The following KATNIP variants were observed in gnomAD, a reference collection of about 807,000 sequenced individuals.
The protein encoded by KATNIP is katanin-interacting protein.
KATNIP carries 126 observed loss-of-function variants against 174.0 expected under a neutral mutation model. That is an observed-to-expected ratio of 0.72 (90% CI 0.63 to 0.84). The LOEUF is 0.84. Among genes scored for constraint, KATNIP ranks in the 40% least tolerant of loss-of-function variants. KATNIP has a pLI of 0.00. For synonymous variants in KATNIP, 810 were observed against 835.7 expected, an observed-to-expected ratio of 0.97 and a Z score of 0.53; for missense variants, 1,958 against 2,109.7, an observed-to-expected ratio of 0.93 and a Z score of 1.41.
chr16:27,763,949 GGCCT>G (rs2082041933), intron 19 of KATNIP, among the ~76,000 whole-genome samples: 1 of 152,152 alleles, frequency 6.6e-6, no homozygotes, highest in Admixed American at 6.5e-5. Context: ...TAGATCTAGA[GGCCT>G]GATCAGATTG....
At chr16:27,596,418 A>G (rs569989955) in intron 2 of KATNIP, among the ~76,000 whole-genome samples, 1 of 152,158 alleles carries the variant, frequency 6.6e-6, no homozygotes, top group African/African-American at 2.4e-5. Flanking sequence ...TTTAGGGGGA[A>G]CATCAGGAAT....
chr16:27,768,532 T>C (rs1382069678), intron 20 of KATNIP, among the ~76,000 whole-genome samples: 1 of 151,984 alleles, frequency 6.6e-6, no homozygotes, highest in African/African-American at 2.4e-5. Context: ...TCCTGCTAGC[T>C]CCAAGCCCAG....
At chr16:27,568,463 A>C (rs1401122557) in intron 1 of KATNIP, among the ~76,000 whole-genome samples, 1 of 151,986 alleles carries the variant, frequency 6.6e-6, no homozygotes, top group Non-Finnish European at 1.5e-5. Context: ...TGCCCCGGGA[A>C]TAAGAAATAA....
chr16:27,641,948 G>A (rs763237985), intron 5 of KATNIP, among the ~76,000 whole-genome samples: 8 of 152,244 alleles, frequency 5.3e-5, no homozygotes, highest in Non-Finnish European at 1.0e-4. Context: ...CCTGGGCCCC[G>A]TGCCCCGTGG....
chr16:27,761,657 G>T, intron 19 of KATNIP, 67 bp downstream of exon 19: 13 of 1,368,800 alleles, frequency 9.5e-6, no homozygotes, highest in Non-Finnish European at 1.0e-5. Flanking sequence ...CTGCCTCTGA[G>T]ACTTCAGATT....
chr16:27,641,326 C>G (rs1055888851), intron 5 of KATNIP, among the ~76,000 whole-genome samples: 6 of 152,044 alleles, frequency 3.9e-5, no homozygotes, highest in Admixed American at 3.3e-4. Context: ...CTCAACCCCC[C>G]CTGTGCCCCA....
intron 2 of KATNIP, among the ~76,000 whole-genome samples, chr16:27,591,612 T>C (rs1007693752): frequency 2.6e-5 from 4 of 152,112 alleles, no homozygotes; most frequent in Non-Finnish European, 4.4e-5. Context: ...ATAATACTTA[T>C]CTCCTAGGGT....
chr16:27,648,809 G>A, intron 6 of KATNIP, 74 bp downstream of exon 6: 2 of 1,511,112 alleles, frequency 1.3e-6, no homozygotes, highest in Non-Finnish European at 1.8e-6. Context: ...GGCCCCTCGG[G>A]GCACTTTCTG....
In KATNIP at chr16:27,677,885, T is replaced by C; in HGVS notation, c.697T>C (p.Ser233Pro). The C allele has an allele frequency of 1.2e-6, 2 of 1,614,216 alleles. No homozygotes were observed. The highest frequency in any genetic ancestry group is 2.2e-5 in the South Asian group (2 of 91,086). ...VGHPRHDRPP[S>P]SGDWTQKDVH... is the part of the protein sequence containing the mutation. ...CCATCCCAGACATGACCGCCCTCCT[T>C]CCAGTGGCGACTGGACTCAGAAAGA... Residue 233 changes from serine to proline, a missense_variant, in exon 7 of 28, where the codon TCC (serine) becomes CCC (proline). Coordinates refer to ENST00000261588, the MANE Select transcript of KATNIP (RefSeq NM_015202.5).
intron 5 of KATNIP, among the ~76,000 whole-genome samples, chr16:27,640,999 A>T (rs1024504670): frequency 6.6e-6 from 1 of 152,088 alleles, no homozygotes; most frequent in Non-Finnish European, 1.5e-5. Context: ...TTAGCCGGAC[A>T]TGGTGGTGAA....
chr16:27,766,723 C>T (rs1443882944), intron 20 of KATNIP, among the ~76,000 whole-genome samples: 2 of 152,206 alleles, frequency 1.3e-5, no homozygotes, highest in Admixed American at 6.5e-5. Context: ...GGGTCCTAGG[C>T]AGGTCCAGGC....
chr16:27,771,868 G>A (rs953466509), intron 22 of KATNIP, among the ~76,000 whole-genome samples: 1 of 152,186 alleles, frequency 6.6e-6, no homozygotes, highest in African/African-American at 2.4e-5. Flanking sequence ...GAGGCTGGAG[G>A]GGGCAGCACC....
rs1188070579 is a variant in KATNIP, at chr16:27,776,507, T to G, written c.4450-421T>G. Among the ~76,000 whole-genome samples the G allele has an allele frequency of 6.6e-6, 1 of 152,032 alleles. No homozygotes were observed. Among genetic ancestry groups the G allele is most frequent in the East Asian group, 1.9e-4 (1 of 5,170 alleles). On this transcript the variant is annotated intron_variant, in intron 24 of 27. Coordinates refer to ENST00000261588, the MANE Select transcript of KATNIP (RefSeq NM_015202.5). The surrounding 1 kb of genome is among the most constrained non-coding windows in gnomAD (Gnocchi z 4.7). Reference sequence around the variant, plus strand: ...CTTGGCGTTGCTTCTCAGTGATGGTTTGGGGAAAGGACAGACAGGGTCAGA... The same window carrying G: ...CTTGGCGTTGCTTCTCAGTGATGGTGTGGGGAAAGGACAGACAGGGTCAGA...
intron 5 of KATNIP, among the ~76,000 whole-genome samples, chr16:27,648,062 A>G (rs2077009867): frequency 6.6e-6 from 1 of 152,090 alleles, no homozygotes; most frequent in African/African-American, 2.4e-5. Context: ...GGGGAGGACG[A>G]GGTGGGTGAA....
chr16:27,684,271 A>G (rs1014446415), intron 8 of KATNIP, among the ~76,000 whole-genome samples: 7 of 152,164 alleles, frequency 4.6e-5, no homozygotes, highest in Admixed American at 2.0e-4. Context: ...AAGATCACAC[A>G]GCCTGTAAGT....
chr16:27,648,248 G>A (rs189264051), intron 5 of KATNIP, among the ~76,000 whole-genome samples: 197 of 150,702 alleles, frequency 1.3e-3, no homozygotes, highest in African/African-American at 4.3e-3. Context: ...ATCCAAGATC[G>A]CACCATTGCA....
Position 27,648,634 on chromosome 16 carries a change from C to T in KATNIP, c.439C>T (p.Pro147Ser). Residue 147 changes from proline to serine, a missense_variant, in exon 6 of 28, where the codon CCA becomes TCA. Physicochemically the swap from Pro to Ser is moderately conservative, Grantham distance 74. Coordinates refer to ENST00000261588, the MANE Select transcript of KATNIP (RefSeq NM_015202.5). ...TGTGCAGATCAGAACAGAAGCTGGC[C>T]CACGGCTCCACATCGAACCTCCTGT... ...KSVQIRTEAGPRLHIEPPVDY... is the reference protein window; with the variant it reads ...KSVQIRTEAGSRLHIEPPVDY... 1.9e-6 allele frequency: 3 copies of T among 1,614,164 alleles called. No homozygotes were observed. The highest frequency in any genetic ancestry group is 2.5e-6 in the Non-Finnish European group (3 of 1,180,032).
intron 1 of KATNIP, among the ~76,000 whole-genome samples, chr16:27,561,561 T>C (rs1404499470): frequency 1.3e-5 from 2 of 152,194 alleles, no homozygotes; most frequent in Non-Finnish European, 2.9e-5. Flanking sequence ...TGATTTAACA[T>C]GTCCTTTGGG....
chr16:27,699,421 T>C, intron 9 of KATNIP, 113 bp from the exon 10 acceptor site: 1 of 1,508,522 alleles, frequency 6.6e-7, no homozygotes, highest in Non-Finnish European at 8.9e-7. Flanking sequence ...GAACTTTATA[T>C]CTATGGTAGC....
Sources: allele counts gnomAD v4.1 joint callset (sites outside exome capture counted in the v4.1 genomes callset), GRCh38; gene constraint gnomAD v4.1.1; non-coding constraint Gnocchi (gnomAD v3.1); transcripts MANE v1.5; gene names NCBI Gene and HGNC (gene_info 2026-07-23, HGNC 2026-07-21).